Variants in CDON observed in about 807,000 individuals in gnomAD.
The protein encoded by CDON is cell adhesion associated, oncogene regulated.
CDON carries 73 observed loss-of-function variants against 120.9 expected under a neutral mutation model. The observed-to-expected ratio is 0.60, with a 90% confidence interval of 0.50 to 0.73. The LOEUF (loss-of-function observed/expected upper bound fraction) is 0.73, where lower values mean the gene tolerates loss of function less well. Ranked by LOEUF, CDON falls within the 30% of genes least tolerant of loss-of-function variation. CDON has a pLI of 0.00. For missense variants in CDON, 1,470 were observed against 1,587.3 expected (o/e 0.93, Z 1.26); for synonymous variants, 566 against 573.5 (o/e 0.99, Z 0.19).
chr11:126,010,105 A>G (rs1240550131), intron 8 of CDON, among the ~76,000 whole-genome samples: 1 of 152,220 alleles, frequency 6.6e-6, no homozygotes, highest in Non-Finnish European at 1.5e-5. Context: ...CTGCTCCCAA[A>G]TGAGAGCTTT....
rs1000766388 is a variant in CDON at position 126,002,916 on chromosome 11, T to A, written c.2026+986A>T. Among the ~76,000 whole-genome samples, 10 of 152,174 alleles carry A rather than the reference T, an allele frequency of 6.6e-5. No individual in the cohort carries two copies. The East Asian group carries it at 1.9e-3, about 29-fold the overall frequency. ...CCCATCGTGTTCCTAGTGAACACCA[T>A]GTACACCCAACCTTGGGCCCTGGCA... is the stretch of plus-strand genomic sequence containing the variant. On this transcript the variant is annotated intron_variant, in intron 10 of 19. Transcript: ENST00000531738.
chr11:125,990,898 C>G (rs1946615199), intron 14 of CDON, among the ~76,000 whole-genome samples: 2 of 152,052 alleles, frequency 1.3e-5, no homozygotes, highest in Non-Finnish European at 2.9e-5. Flanking sequence ...GTTCTACGCC[C>G]CATTTATAAA....
At chr11:126,029,733 C>T (rs545081793) in intron 1 of CDON, among the ~76,000 whole-genome samples, 20 of 152,232 alleles carry the variant, frequency 1.3e-4, no homozygotes, top group Admixed American at 2.6e-4. Context: ...ATCTCCTTCC[C>T]ATCTTCATAT....
At position 126,004,043 on chromosome 11, in the gene CDON, G is replaced by C; in HGVS notation, c.1885C>G (p.His629Asp). Residue 629 changes from histidine (H) to aspartate (D), a missense_variant, in exon 10 of 20, where the codon CAC (histidine) becomes GAC (aspartate). Coordinates refer to ENST00000531738, the MANE Select transcript of CDON (RefSeq NM_001378964.1). ...TCACTTCCTGGGACTCGAACCGTGT[G>C]CCAGCTTCCCAGCATGCCAACCCCA... ...DDGVGMLGSW[H>D]TVRVPGSENE... The C allele has an allele frequency of 6.2e-7, 1 of 1,613,956 alleles. No individual in the cohort carries two copies. The highest frequency in any genetic ancestry group is 8.5e-7 in the Non-Finnish European group (1 of 1,180,002).
intron 1 of CDON, among the ~76,000 whole-genome samples, chr11:126,033,770 G>A (rs1018448314): frequency 6.6e-6 from 1 of 152,114 alleles, no homozygotes; most frequent in Non-Finnish European, 1.5e-5. Context: ...GATTCTACAG[G>A]AGGAAAGGAG....
chr11:125,982,992 G>A (rs950730679), intron 16 of CDON, among the ~76,000 whole-genome samples: 1 of 152,104 alleles, frequency 6.6e-6, no homozygotes, highest in Non-Finnish European at 1.5e-5. Flanking sequence ...CTATCTCTTG[G>A]AAGGCATCAT....
intron 16 of CDON, among the ~76,000 whole-genome samples, chr11:125,981,602 T>C (rs368745407): frequency 3.3e-5 from 5 of 152,192 alleles, no homozygotes; most frequent in South Asian, 2.1e-4. Flanking sequence ...TTATTTTCCA[T>C]AGAGTGTAGA....
chr11:126,059,981 TA>T (rs1386782249), intron 1 of CDON, among the ~76,000 whole-genome samples: 1 of 151,174 alleles, frequency 6.6e-6, no homozygotes, highest in African/African-American at 2.4e-5. Flanking sequence ...TGTAATCCAA[TA>T]TTTTTCAAGT....
intron 1 of CDON, among the ~76,000 whole-genome samples, chr11:126,051,688 C>A (rs1488486101): frequency 1.4e-5 from 2 of 144,044 alleles, no homozygotes; most frequent in African/African-American, 5.2e-5. Context: ...GCTCTTGTTG[C>A]TCAGGCTGGA....
At chr11:126,012,278 C>T (rs7120521) in intron 7 of CDON, among the ~76,000 whole-genome samples, 16,155 of 152,054 alleles carry the variant, frequency 0.11, 895 homozygotes, top group Admixed American at 0.13. Context: ...ATACTGAATA[C>T]AATATATAAT....
At chr11:126,056,273 C>T (rs894288292) in intron 1 of CDON, among the ~76,000 whole-genome samples, 5 of 152,098 alleles carry the variant, frequency 3.3e-5, no homozygotes, top group Non-Finnish European at 7.4e-5. Context: ...TCTTTGAGGA[C>T]GCCTATAGAT....
At chr11:125,971,197 C>T (rs531344137) in intron 18 of CDON, among the ~76,000 whole-genome samples, 2 of 152,044 alleles carry the variant, frequency 1.3e-5, no homozygotes, top group Non-Finnish European at 2.9e-5. Context: ...TCCTGGCTAA[C>T]ACAGTGAAAC....
chr11:126,049,879 A>T (rs1948512264), intron 1 of CDON, among the ~76,000 whole-genome samples: 1 of 152,220 alleles, frequency 6.6e-6, no homozygotes, highest in South Asian at 2.1e-4. Flanking sequence ...ACCAAGACAC[A>T]AATAACGAAC....
At chr11:126,061,555 T>A (rs944985700) in intron 1 of CDON, among the ~76,000 whole-genome samples, 1 of 152,230 alleles carries the variant, frequency 6.6e-6, no homozygotes, top group Non-Finnish European at 1.5e-5. Flanking sequence ...GGAGACACTG[T>A]CCACTAGGTA....
chr11:126,003,445 C>T (rs1283595368), intron 10 of CDON, among the ~76,000 whole-genome samples: 1 of 152,170 alleles, frequency 6.6e-6, no homozygotes, highest in Non-Finnish European at 1.5e-5. Flanking sequence ...ACAATACAAT[C>T]ACGTAAATGT....
intron 1 of CDON, among the ~76,000 whole-genome samples, chr11:126,058,645 T>C (rs1030072429): frequency 1.3e-5 from 2 of 152,204 alleles, no homozygotes; most frequent in Non-Finnish European, 2.9e-5. Context: ...GCATTCTGCA[T>C]TAGCTGAAAA....
At chr11:126,054,576 G>C (rs1406642865) in intron 1 of CDON, among the ~76,000 whole-genome samples, 1 of 152,108 alleles carries the variant, frequency 6.6e-6, no homozygotes, top group Non-Finnish European at 1.5e-5. Flanking sequence ...ATCATTCATG[G>C]ATCTAGAGAA....
chr11:126,012,161 C>A (rs982510290), intron 7 of CDON, among the ~76,000 whole-genome samples: 1 of 152,066 alleles, frequency 6.6e-6, no homozygotes, highest in Admixed American at 6.6e-5. Context: ...TTGGGTTATG[C>A]ATATAAATTT....
In CDON at chr11:125,959,959, T is replaced by G. The variant is rs76724574; in HGVS notation, c.*983A>C. On this transcript the variant is annotated 3_prime_UTR_variant, in exon 20 of 20. Transcript: ENST00000531738. ...AAAGCAGTGGGACATGAGGCATTAT[T>G]TGTCTCTCTGGCCTTGGTTCCTTTT... 6.6e-6 allele frequency: 1 copy of G among 152,216 alleles called. No individual in the cohort carries two copies. Among genetic ancestry groups the G allele is most frequent in the Non-Finnish European group, 1.5e-5 (1 of 68,042 alleles). The allele number at this position is 152,216 out of a possible 1,614,324, so 9.4% of individuals were successfully genotyped here.
Sources: gnomAD v4.1 joint callset for allele counts (sites outside exome capture counted in the v4.1 genomes callset) on GRCh38, gnomAD v4.1.1 for gene constraint, MANE v1.5 for transcripts, NCBI Gene and HGNC (gene_info 2026-07-23, HGNC 2026-07-21) for gene names.